SLC37A1: variants seen among roughly 807,000 people sequenced by gnomAD.
The protein encoded by SLC37A1 is solute carrier family 37 member 1.
In SLC37A1, 49 loss-of-function variants were observed where a neutral mutation model predicts 75.3. That is an observed-to-expected ratio of 0.65 (90% CI 0.52 to 0.83). The LOEUF (loss-of-function observed/expected upper bound fraction) is 0.83, where lower values mean the gene tolerates loss of function less well. Among genes scored for constraint, SLC37A1 ranks in the 40% least tolerant of loss-of-function variants. The probability of loss-of-function intolerance (pLI) is 0.00; values close to 1 mark genes in which losing one functional copy is unlikely to be tolerated. For missense variants in SLC37A1, 566 were observed against 695.0 expected (o/e 0.81, Z 2.09); for synonymous variants, 268 against 292.1 (o/e 0.92, Z 0.84).
rs1391945750 is a variant in SLC37A1, at chr21:42,518,430, G to A, written c.-25G>A. 9 of 1,613,938 alleles carry A rather than the reference G, an allele frequency of 5.6e-6. No homozygotes were observed. Among genetic ancestry groups the A allele is most frequent in the South Asian group, 1.1e-5 (1 of 91,086 alleles). On this transcript the variant is annotated 5_prime_UTR_variant, in exon 2 of 20. Transcript: ENST00000352133. ...ATGAAGCATCTTATTCTGCGACCGA[G>A]GCTCAGTGGTCAGTGGCGACGTAAA...
intron 10 of SLC37A1, among the ~76,000 whole-genome samples, chr21:42,555,710 T>A (rs1029106983): frequency 1.3e-5 from 2 of 152,248 alleles, no homozygotes; most frequent in Admixed American, 6.5e-5. Context: ...AACTGACCCA[T>A]AGAACTAGCC....
chr21:42,501,123 A>G (rs1358973378), intron 1 of SLC37A1, among the ~76,000 whole-genome samples: 1 of 152,258 alleles, frequency 6.6e-6, no homozygotes, highest in Admixed American at 6.5e-5. Context: ...TGCTTGGCAC[A>G]TAGTAAGTGC....
intron 3 of SLC37A1, 171 bp downstream of exon 3, chr21:42,526,028 T>C (rs1407366891): frequency 1.8e-6 from 1 of 558,900 alleles, no homozygotes; most frequent in East Asian, 2.9e-5. Context: ...AATTAAAGTC[T>C]TTTAAATGTT....
At chr21:42,557,580 A>G (rs768687408) in intron 10 of SLC37A1, among the ~76,000 whole-genome samples, 1 of 152,238 alleles carries the variant, frequency 6.6e-6, no homozygotes, top group Non-Finnish European at 1.5e-5. Flanking sequence ...CCCGCTCTCC[A>G]TGCCAGAGTC....
chr21:42,548,910 G>A lies in SLC37A1; in HGVS notation c.768+1770G>A, dbSNP rs544437234. 4.9e-4 allele frequency among the ~76,000 whole-genome samples: 75 copies of A among 152,196 alleles called. No homozygotes were observed. The highest frequency in any genetic ancestry group is 9.7e-4 in the Non-Finnish European group (66 of 68,010). On this transcript the variant is annotated intron_variant, in intron 9 of 19. Coordinates refer to ENST00000352133, the MANE Select transcript of SLC37A1 (RefSeq NM_001320537.2). The surrounding 1 kb of genome is among the most constrained non-coding windows in gnomAD (Gnocchi z 5.6). ...CCTTTTTCTGTCTTTTCATACCTCG[G>A]GCTCCTGGGTGTGATTCATATGGAA...
chr21:42,564,236 A>AAT, intron 13 of SLC37A1, among the ~76,000 whole-genome samples: 1 of 151,302 alleles, frequency 6.6e-6, no homozygotes, highest in East Asian at 1.9e-4. Flanking sequence ...AAAAAAAAAA[A>AAT]AAAGCATAGC....
In SLC37A1 at chr21:42,539,636, G is replaced by C; in HGVS notation, c.475G>C (p.Val159Leu). ...CAACATCCACAGTTTCGGATTCTAC[G>C]TGGTAACTCAGGTAAGGGTTTGGAT... ...FYNIHSFGFYVVTQVINGLVQ... is the reference protein window; with the variant it reads ...FYNIHSFGFYLVTQVINGLVQ... The change falls in exon 6 of 20, where the codon GTG becomes CTG. Residue 159 changes from valine (V) to leucine (L), a missense_variant. Physicochemically the swap from Val to Leu is conservative, Grantham distance 32. Transcript: ENST00000352133. 1 of 1,613,400 alleles carries C rather than the reference G, an allele frequency of 6.2e-7. No individual in the cohort carries two copies.
At position 42,519,209 on chromosome 21, in the gene SLC37A1, G is replaced by A. The variant is rs115735419; in HGVS notation, c.56+699G>A. Among the ~76,000 whole-genome samples, 917 of 152,322 alleles carry A rather than the reference G, an allele frequency of 6.0e-3. 5 individuals carry two copies. Among genetic ancestry groups the A allele is most frequent in the African/African-American group, 0.021 (867 of 41,574 alleles). On this transcript the variant is annotated intron_variant, in intron 2 of 19. Transcript: ENST00000352133. The stretch of plus-strand genomic sequence containing the variant: ...AAGACAGATTTCACCACTTATGTAC[G>A]AGAGGTCATAGAAAAGTGTCCCTCA...
chr21:42,522,586 T>A (rs116608104), intron 2 of SLC37A1, among the ~76,000 whole-genome samples: 9,557 of 152,236 alleles, frequency 0.063, 340 homozygotes, highest in Middle Eastern at 0.1. Context: ...AAGTCCTAAG[T>A]ACAGAAGATG....
At chr21:42,532,040 A>G (rs1055757924) in intron 3 of SLC37A1, among the ~76,000 whole-genome samples, 3 of 152,164 alleles carry the variant, frequency 2.0e-5, no homozygotes, top group African/African-American at 7.2e-5. Context: ...ATGCTGGGAC[A>G]CAGGCATTGT....
chr21:42,542,420 T>G lies in SLC37A1; in HGVS notation c.503T>G (p.Val168Gly). 6.2e-7 allele frequency: 1 copy of G among 1,613,938 alleles called. No individual in the cohort carries two copies. Among genetic ancestry groups the G allele is most frequent in the Non-Finnish European group, 8.5e-7 (1 of 1,179,904 alleles). Residue 168 changes from valine (V) to glycine (G), a missense_variant, in exon 7 of 20, where the codon GTG (valine) becomes GGG (glycine). Physicochemically the swap from Val to Gly is moderately radical, Grantham distance 109 (BLOSUM62 -3). Transcript: ENST00000352133. ...CTCCTGCAGGTCATCAACGGGCTGG[T>G]GCAGACCACCGGCTGGCCCAGCGTC... The part of the protein sequence containing the change: ...YVVTQVINGL[V>G]QTTGWPSVVT...
chr21:42,579,686 G>A lies in SLC37A1; in HGVS notation c.1522-50G>A, dbSNP rs113580396. 3.1e-3 allele frequency: 4,979 copies of A among 1,605,166 alleles called. 127 individuals carry two copies. In the African/African-American group the frequency reaches 0.056, roughly 18 times the overall value. The stretch of plus-strand genomic sequence containing the variant: ...CCTCATGGTGCCCACGGCGCGGGCC[G>A]CCCTGTGCCTGCTCCAGTAACAGGT... On this transcript the variant is annotated intron_variant, in intron 18 of 19. Coordinates refer to ENST00000352133, the MANE Select transcript of SLC37A1 (RefSeq NM_001320537.2).
chr21:42,576,040 T>C, intron 18 of SLC37A1: 1 of 805,780 alleles, frequency 1.2e-6, no homozygotes, highest in African/African-American at 1.9e-5. Flanking sequence ...CATAAGAAAG[T>C]AAAGGAACTC....
intron 1 of SLC37A1, among the ~76,000 whole-genome samples, chr21:42,517,252 G>A (rs2146706442): frequency 6.6e-6 from 1 of 152,324 alleles, no homozygotes; most frequent in Middle Eastern, 3.4e-3. Flanking sequence ...TTGAAGGAGA[G>A]GGAGCAGAAA....
At chr21:42,551,509 G>A (rs1009849413) in intron 9 of SLC37A1, among the ~76,000 whole-genome samples, 1 of 152,238 alleles carries the variant, frequency 6.6e-6, no homozygotes, top group Non-Finnish European at 1.5e-5. Context: ...TGATGAAAAT[G>A]TTCTCAAATT....
intron 18 of SLC37A1, among the ~76,000 whole-genome samples, chr21:42,578,694 C>G (rs1452131075): frequency 1.3e-5 from 2 of 152,220 alleles, no homozygotes; most frequent in Non-Finnish European, 2.9e-5. Context: ...CTTTCATGCA[C>G]CAAGCAGAGC....
At chr21:42,565,932 C>T (rs1170289450) in intron 15 of SLC37A1, 57 bp downstream of exon 15, 9 of 1,538,942 alleles carry the variant, frequency 5.8e-6, no homozygotes, top group South Asian at 1.1e-5. Flanking sequence ...GTTCACACAG[C>T]TGGCAAGATG....
At chr21:42,568,754 A>T (rs1194953215) in intron 17 of SLC37A1, among the ~76,000 whole-genome samples, 1 of 152,096 alleles carries the variant, frequency 6.6e-6, no homozygotes, top group African/African-American at 2.4e-5. Flanking sequence ...AGAAAGGCAG[A>T]ATCTTATTTA....
At chr21:42,504,470 G>A (rs1307662472) in intron 2 of SLC37A1, among the ~76,000 whole-genome samples, 2 of 152,152 alleles carry the variant, frequency 1.3e-5, no homozygotes, top group African/African-American at 2.4e-5. Context: ...TTCTCTATGT[G>A]TGTCATGATA....
Sources: gnomAD v4.1 joint callset for allele counts (sites outside exome capture counted in the v4.1 genomes callset) on GRCh38, gnomAD v4.1.1 for gene constraint, Gnocchi (gnomAD v3.1) non-coding constraint, MANE v1.5 for transcripts, NCBI Gene and HGNC (gene_info 2026-07-23, HGNC 2026-07-21) for gene names.